Variants in SMAD4 observed in about 807,000 individuals in gnomAD.
SMAD4 encodes the protein MAD homolog 4.
A neutral mutation model predicts 63.2 loss-of-function variants in SMAD4; 7 were observed. The ratio of observed to expected loss-of-function variants is 0.11; its 90% CI spans 0.06 to 0.21. SMAD4 has a LOEUF of 0.21. Ranked by LOEUF, SMAD4 falls within the 10% of genes least tolerant of loss-of-function variation. The pLI, the probability that SMAD4 is intolerant of heterozygous loss-of-function variation, is 1.00. For synonymous variants in SMAD4, 215 were observed against 235.4 expected (o/e 0.91, Z 0.79); for missense variants, 312 against 693.8 (o/e 0.45, Z 6.18).
intron 5 of SMAD4, among the ~76,000 whole-genome samples, chr18:51,055,846 C>T (rs1909831487): frequency 6.6e-6 from 1 of 152,030 alleles, no homozygotes; most frequent in South Asian, 2.1e-4. Context: ...GTGTTAGTTG[C>T]TACCGAAAGT....
rs1910557147 is a variant in SMAD4 at position 51,079,555 on chromosome 18, A to C, written c.*1088A>C. On this transcript the variant is annotated 3_prime_UTR_variant, in exon 12 of 12. Transcript: ENST00000342988. ...TAATGTTTAAATCATGTATGTTATG[A>C]TATTGTTTAAAATTCAGTTTTTGTA... The C allele has an allele frequency of 1.3e-5, 3 of 233,286 alleles. No individual in the cohort carries two copies. Among genetic ancestry groups the C allele is most frequent in the Non-Finnish European group, 2.5e-5 (3 of 117,926 alleles). The allele number at this position is 233,286 out of a possible 1,614,324, so 14.5% of individuals were successfully genotyped here. A position where few individuals can be genotyped will look rare whatever the true frequency, so the allele number is the denominator to read the frequency against.
intron 4 of SMAD4, 31 bp downstream of exon 4, chr18:51,049,355 TTG>T: frequency 6.4e-7 from 1 of 1,551,662 alleles, no homozygotes; most frequent in Non-Finnish European, 8.9e-7. Flanking sequence ...TACTTTCTCT[TTG>T]TTTTGTCCTA....
At position 51,082,172 on chromosome 18, in the gene SMAD4, T is replaced by C. The variant is rs1275297822; in HGVS notation, c.*3705T>C. ...TGAAAGCAATTACCTCTAAAGCCAGTTAACAATTATTTTGTAGGTGGGGTA... is the reference window on the plus strand; with the variant it reads ...TGAAAGCAATTACCTCTAAAGCCAGCTAACAATTATTTTGTAGGTGGGGTA... On this transcript the variant is annotated 3_prime_UTR_variant, in exon 12 of 12. Coordinates refer to ENST00000342988, the MANE Select transcript of SMAD4 (RefSeq NM_005359.6). 1 of 229,940 alleles carries C rather than the reference T, an allele frequency of 4.3e-6. No individual in the cohort carries two copies. The highest frequency in any genetic ancestry group is 2.2e-5 in the African/African-American group (1 of 45,182). 14.2% of individuals were successfully genotyped at this position (229,940 alleles called of 1,614,324 possible).
rs920328934 is a variant in SMAD4 at position 51,082,231 on chromosome 18, G to A, written c.*3764G>A. On this transcript the variant is annotated 3_prime_UTR_variant, in exon 12 of 12. Transcript: ENST00000342988. Reference sequence around the variant, plus strand: ...TTAAAGTAATGCATTTTTTTTTCCCGTAAAGGCAGAATCCATCTTGTTGCA... The same window carrying A: ...TTAAAGTAATGCATTTTTTTTTCCCATAAAGGCAGAATCCATCTTGTTGCA... The A allele has an allele frequency of 4.4e-5, 10 of 228,702 alleles. No individual in the cohort carries two copies. The highest frequency in any genetic ancestry group is 1.1e-4 in the African/African-American group (5 of 45,004). The allele number at this position is 228,702 out of a possible 1,614,324, so 14.2% of individuals were successfully genotyped here. A position where few individuals can be genotyped will look rare whatever the true frequency, so the allele number is the denominator to read the frequency against.
intron 10 of SMAD4, among the ~76,000 whole-genome samples, chr18:51,072,689 C>T (rs1459212703): frequency 6.6e-6 from 1 of 152,150 alleles, no homozygotes; most frequent in Non-Finnish European, 1.5e-5. Flanking sequence ...TTATGAGACA[C>T]ACATCTTTGT....
intron 10 of SMAD4, among the ~76,000 whole-genome samples, chr18:51,072,282 A>G (rs979075059): frequency 6.6e-6 from 1 of 152,082 alleles, no homozygotes; most frequent in Non-Finnish European, 1.5e-5. Context: ...TATTTTAGCC[A>G]TTGTAGTAGG....
chr18:51,056,898 GTAGT>G (rs1909860924), intron 5 of SMAD4, among the ~76,000 whole-genome samples: 2 of 152,224 alleles, frequency 1.3e-5, no homozygotes, highest in Admixed American at 1.3e-4. Flanking sequence ...TTTATCCTGT[GTAGT>G]TAATGACAAT....
At chr18:51,069,436 C>A (rs1473198451) in intron 10 of SMAD4, among the ~76,000 whole-genome samples, 1 of 152,072 alleles carries the variant, frequency 6.6e-6, no homozygotes, top group African/African-American at 2.4e-5. Context: ...TTTTTAATGG[C>A]TTTGGATTTC....
At position 51,058,332 on chromosome 18, in the gene SMAD4, A is replaced by C. The variant is rs1433479964; in HGVS notation, c.788-8A>C. ...AGCAAATTAACCCATGTGGGCCTTA[A>C]TTTTTAGACAGCACTACCACCTGGA... On this transcript the variant is annotated splice_polypyrimidine_tract_variant and splice_region_variant and intron_variant, in intron 6 of 11. Coordinates refer to ENST00000342988, the MANE Select transcript of SMAD4 (RefSeq NM_005359.6). 6.2e-7 allele frequency: 1 copy of C among 1,611,006 alleles called. No homozygotes were observed. Among genetic ancestry groups the C allele is most frequent in the Admixed American group, 1.7e-5 (1 of 59,658 alleles).
rs932465392 is a variant in SMAD4, at chr18:51,071,672, A to G, written c.1308+4485A>G. Among the ~76,000 whole-genome samples the G allele has an allele frequency of 6.6e-5, 10 of 152,314 alleles. 1 individual carries two copies. The Middle Eastern group carries it at 0.01, about 155-fold the overall frequency. On this transcript the variant is annotated intron_variant, in intron 10 of 11. Coordinates refer to ENST00000342988, the MANE Select transcript of SMAD4 (RefSeq NM_005359.6). ...TCACCCATTTAAATTGGACAATTCA[A>G]TGATTGTTAGTATATTCACAACATT... is the stretch of plus-strand genomic sequence containing the variant.
chr18:51,066,928 T>G (rs1910174577), intron 9 of SMAD4, 91 bp from the exon 10 acceptor site: 3 of 984,832 alleles, frequency 3.0e-6, no homozygotes. Context: ...TATTTTTAAT[T>G]TTTCAATATT....
intron 1 of SMAD4, among the ~76,000 whole-genome samples, chr18:51,037,787 A>G (rs1909247508): frequency 6.6e-6 from 1 of 152,304 alleles, no homozygotes; most frequent in South Asian, 2.1e-4. Flanking sequence ...ATAGCTATTT[A>G]GATTTGAGTA....
At position 51,061,551 on chromosome 18, in the gene SMAD4, A is replaced by G. The variant is rs758258634; in HGVS notation, c.955+1635A>G. 2.6e-5 allele frequency among the ~76,000 whole-genome samples: 4 copies of G among 152,310 alleles called. No individual in the cohort carries two copies. The South Asian group carries it at 8.3e-4, about 32-fold the overall frequency. On this transcript the variant is annotated intron_variant, in intron 8 of 11. Coordinates refer to ENST00000342988, the MANE Select transcript of SMAD4 (RefSeq NM_005359.6). ...TGAATCGCATTTTTTTTATGGCTGA[A>G]TAGTACTCCACTGTGTATAAGTCAA...
At position 51,059,128 on chromosome 18, in the gene SMAD4, A is replaced by G. The variant is rs577214747; in HGVS notation, c.904+672A>G. ...ATATTTTGTTATTTTCCTTCCAGTC[A>G]TATAAACAGGTATATGTAAATTGAC... is the stretch of plus-strand genomic sequence containing the variant. On this transcript the variant is annotated intron_variant, in intron 7 of 11. Transcript: ENST00000342988. Among the ~76,000 whole-genome samples the G allele has an allele frequency of 5.9e-5, 9 of 152,334 alleles. No individual in the cohort carries two copies. In the South Asian group the frequency reaches 1.7e-3, roughly 28 times the overall value.
At chr18:51,075,700 G>T (rs537034514) in intron 10 of SMAD4, among the ~76,000 whole-genome samples, 1 of 151,994 alleles carries the variant, frequency 6.6e-6, no homozygotes, top group Non-Finnish European at 1.5e-5. Flanking sequence ...TAAATATAAG[G>T]GTAGATATGG....
chr18:51,070,842 A>T (rs1910297383), intron 10 of SMAD4, among the ~76,000 whole-genome samples: 1 of 152,148 alleles, frequency 6.6e-6, no homozygotes, highest in Non-Finnish European at 1.5e-5. Flanking sequence ...AGTAACCTTT[A>T]TTTAGTTCAT....
Position 51,059,878 on chromosome 18 carries a change from A to G in SMAD4, c.917A>G (p.Asn306Ser), listed in dbSNP as rs730881953. 1.2e-5 allele frequency: 20 copies of G among 1,613,186 alleles called. No homozygotes were observed. The highest frequency in any genetic ancestry group is 5.3e-5 in the African/African-American group (4 of 74,898). Residue 306 changes from asparagine (N) to serine (S), a missense_variant, in exon 8 of 12, where the codon AAT (asparagine) becomes AGT (serine). Physicochemically the swap from Asn to Ser is conservative, Grantham distance 46. Coordinates refer to ENST00000342988, the MANE Select transcript of SMAD4 (RefSeq NM_005359.6). Reference protein sequence around the residue: ...PHPGHYWPVHNELAFQPPISN... With the variant: ...PHPGHYWPVHSELAFQPPISN... ...GTCTTTTCTTTAGGGCCTGTTCACA[A>G]TGAGCTTGCATTCCAGCCTCCCATT...
rs928815699 is a variant in SMAD4, at chr18:51,050,748, T to A, written c.454+1424T>A. 5.3e-5 allele frequency among the ~76,000 whole-genome samples: 8 copies of A among 152,080 alleles called. No individual in the cohort carries two copies. The East Asian group carries it at 1.5e-3, about 29-fold the overall frequency. ...TAGTAGTAGTTTAGCACCTTTTTTG[T>A]TTGTAGAATTTTAGAGGTGGGTCAG... On this transcript the variant is annotated intron_variant, in intron 4 of 11. Coordinates refer to ENST00000342988, the MANE Select transcript of SMAD4 (RefSeq NM_005359.6).
intron 10 of SMAD4, among the ~76,000 whole-genome samples, chr18:51,071,754 AT>A (rs1324821244): frequency 6.6e-6 from 1 of 152,220 alleles, no homozygotes; most frequent in Admixed American, 6.5e-5. Context: ...AAAAAACTCC[AT>A]ATACCCTTTT....
Sources: allele counts gnomAD v4.1 joint callset (sites outside exome capture counted in the v4.1 genomes callset), GRCh38; gene constraint gnomAD v4.1.1; transcripts MANE v1.5; gene names NCBI Gene and HGNC (gene_info 2026-07-23, HGNC 2026-07-21).